The following PKD1L1 variants were observed in gnomAD, a reference collection of about 807,000 sequenced individuals.
PKD1L1 encodes the protein polycystin 1 like 1, transient receptor potential channel interacting.
In PKD1L1, 236 loss-of-function variants were observed where a neutral mutation model predicts 323.4. That is an observed-to-expected ratio of 0.73 (90% CI 0.66 to 0.81). PKD1L1 has a LOEUF of 0.81. Among genes scored for constraint, PKD1L1 ranks in the 40% least tolerant of loss-of-function variants. The probability of loss-of-function intolerance (pLI) is 0.00; values close to 1 mark genes in which losing one functional copy is unlikely to be tolerated. For missense variants in PKD1L1, 3,320 were observed against 3,508.0 expected (o/e 0.95, Z 1.35); for synonymous variants, 1,344 against 1,335.0 (o/e 1.01, Z -0.15).
intron 13 of PKD1L1, among the ~76,000 whole-genome samples, chr7:47,898,857 T>C (rs1280167150): frequency 6.6e-6 from 1 of 152,014 alleles, no homozygotes; most frequent in Non-Finnish European, 1.5e-5. Context: ...AACATACCCT[T>C]GTGCAATTGT....
Position 47,893,953 on chromosome 7 carries a change from G to A in PKD1L1, c.2378C>T (p.Ser793Phe), listed in dbSNP as rs183915112. 1 of 1,614,048 alleles carries A rather than the reference G, an allele frequency of 6.2e-7. No homozygotes were observed. Among genetic ancestry groups the A allele is most frequent in the Non-Finnish European group, 8.5e-7 (1 of 1,180,008 alleles). ...GACAATGGGGGATGAGGTGGTCCTGGAGAAGAATAGGTGTGTGCCCTCGGA... is the reference window on the plus strand; with the variant it reads ...GACAATGGGGGATGAGGTGGTCCTGAAGAAGAATAGGTGTGTGCCCTCGGA... ...VISEGTHLFF[S>F]RTTSSPIVLR... is the part of the protein sequence containing the mutation. The change falls in exon 15 of 57, where the codon TCC (serine) becomes TTC (phenylalanine). Residue 793 changes from serine (S) to phenylalanine (F), a missense_variant. Ser to Phe is a radical substitution (Grantham distance 155, BLOSUM62 -2). Coordinates refer to ENST00000289672, the MANE Select transcript of PKD1L1 (RefSeq NM_138295.5).
intron 32 of PKD1L1, among the ~76,000 whole-genome samples, chr7:47,846,213 C>T (rs1214550277): frequency 1.3e-5 from 2 of 152,100 alleles, no homozygotes; most frequent in African/African-American, 2.4e-5. Context: ...CTAAATATGA[C>T]TAATAATTGT....
At chr7:47,931,849 C>T in intron 5 of PKD1L1, 87 bp downstream of exon 5, 2 of 1,472,638 alleles carry the variant, frequency 1.4e-6, no homozygotes, top group Non-Finnish European at 1.8e-6. Flanking sequence ...CTGAGGCCGC[C>T]TACATACGGG....
intron 44 of PKD1L1, 122 bp downstream of exon 44, chr7:47,829,303 A>G: frequency 1.1e-6 from 1 of 930,572 alleles, no homozygotes; most frequent in Non-Finnish European, 1.5e-6. Flanking sequence ...AAATTAAGAC[A>G]TCCCATGGGT....
At chr7:47,911,734 T>C (rs1041977773) in intron 8 of PKD1L1, among the ~76,000 whole-genome samples, 4 of 152,122 alleles carry the variant, frequency 2.6e-5, no homozygotes, top group Non-Finnish European at 2.9e-5. Context: ...ATATCAAGCA[T>C]GCATGAGCAG....
At chr7:47,826,477 T>C (rs913480004) in intron 45 of PKD1L1, among the ~76,000 whole-genome samples, 4 of 152,028 alleles carry the variant, frequency 2.6e-5, no homozygotes, top group African/African-American at 7.2e-5. Context: ...GATATGAAAA[T>C]ATTTAAGGGG....
chr7:47,811,342 A>G (rs967801111), intron 50 of PKD1L1, among the ~76,000 whole-genome samples: 1 of 152,038 alleles, frequency 6.6e-6, no homozygotes, highest in African/African-American at 2.4e-5. Flanking sequence ...TTTTCAGTAG[A>G]GATGGGTTTT....
intron 56 of PKD1L1, among the ~76,000 whole-genome samples, chr7:47,776,330 G>A (rs967978013): frequency 1.3e-5 from 2 of 152,178 alleles, no homozygotes; most frequent in African/African-American, 2.4e-5. Flanking sequence ...GGAGGACAGC[G>A]TTATCCTGAT....
rs570094787 is a variant in PKD1L1, at chr7:47,823,609, T to A, written c.6855-2423A>T. Among the ~76,000 whole-genome samples the A allele has an allele frequency of 2.6e-5, 4 of 152,302 alleles. No individual in the cohort carries two copies. The East Asian group carries it at 7.7e-4, about 29-fold the overall frequency. Reference sequence around the variant, plus strand: ...GGTTGCCTCATAGATGATGGTGTTTTCCCACGAGGAAACACATAATGTCTG... The same window carrying A: ...GGTTGCCTCATAGATGATGGTGTTTACCCACGAGGAAACACATAATGTCTG... On this transcript the variant is annotated intron_variant, in intron 45 of 56. Transcript: ENST00000289672.
At chr7:47,793,493 T>C (rs544963981) in intron 55 of PKD1L1, among the ~76,000 whole-genome samples, 47 of 152,338 alleles carry the variant, frequency 3.1e-4, no homozygotes, top group Non-Finnish European at 6.5e-4. Flanking sequence ...CTCTTGCCAC[T>C]GCCACGTAAG....
intron 21 of PKD1L1, among the ~76,000 whole-genome samples, chr7:47,878,098 A>G (rs923246072): frequency 1.3e-5 from 2 of 152,142 alleles, no homozygotes; most frequent in African/African-American, 4.8e-5. Flanking sequence ...TCAAAACCTT[A>G]GCCACATACA....
chr7:47,910,483 C>T (rs111660077), intron 8 of PKD1L1, among the ~76,000 whole-genome samples: 1,660 of 151,604 alleles, frequency 0.011, 23 homozygotes, highest in South Asian at 0.039. Context: ...TACAGGTGCC[C>T]GCCACCATGC....
rs112773044 is a variant in PKD1L1, at chr7:47,897,963, T to G, written c.2271+25A>C. The stretch of plus-strand genomic sequence containing the variant: ...AGAAGCATGGGTTTCATTGGGCCAG[T>G]AGAGCAGTAAGTCAGCCAGCTGACC... On this transcript the variant is annotated intron_variant, in intron 14 of 56. Coordinates refer to ENST00000289672, the MANE Select transcript of PKD1L1 (RefSeq NM_138295.5). 3.1e-5 allele frequency: 49 copies of G among 1,570,392 alleles called. No individual in the cohort carries two copies. The African/African-American group carries it at 5.4e-4, about 17-fold the overall frequency.
chr7:47,803,123 AG>A, intron 53 of PKD1L1, 86 bp downstream of exon 53: 1 of 1,521,650 alleles, frequency 6.6e-7, no homozygotes, highest in African/African-American at 1.4e-5. Context: ...CCTTGAGAGC[AG>A]TTTGTTTTTC....
chr7:47,912,438 G>T (rs1217126829), intron 8 of PKD1L1, among the ~76,000 whole-genome samples: 3 of 152,258 alleles, frequency 2.0e-5, no homozygotes, highest in Non-Finnish European at 2.9e-5. Flanking sequence ...ACATTGAAAA[G>T]GTACACCATG....
chr7:47,864,556 C>CTT (rs1450526574), intron 26 of PKD1L1, among the ~76,000 whole-genome samples: 19 of 150,948 alleles, frequency 1.3e-4, no homozygotes, highest in Non-Finnish European at 2.1e-4. Context: ...TCCTTTCTTC[C>CTT]TTCTTTTTCT....
At chr7:47,823,657 C>G (rs1785190254) in intron 45 of PKD1L1, among the ~76,000 whole-genome samples, 1 of 152,216 alleles carries the variant, frequency 6.6e-6, no homozygotes, top group South Asian at 2.1e-4. Context: ...CTCTCCTTCT[C>G]TCTTTTATAT....
chr7:47,866,317 T>A, intron 25 of PKD1L1, 102 bp downstream of exon 25: 1 of 1,264,888 alleles, frequency 7.9e-7, no homozygotes. Context: ...TTCTTGCCTG[T>A]GTTTCATAAG....
At chr7:47,959,757 C>T in the PKD1L1 span, among the ~76,000 whole-genome samples, 3 of 144,390 alleles carry the variant, frequency 2.1e-5, no homozygotes, top group African/African-American at 5.0e-5. Flanking sequence ...GAGGGGTCAG[C>T]CCCCCGCCCG....
Sources: allele counts gnomAD v4.1 joint callset (sites outside exome capture counted in the v4.1 genomes callset), GRCh38; gene constraint gnomAD v4.1.1; transcripts MANE v1.5; gene names NCBI Gene and HGNC (gene_info 2026-07-23, HGNC 2026-07-21).